COL2A1: variants seen among roughly 807,000 people sequenced by gnomAD.
The protein encoded by COL2A1 is collagen alpha-1(II) chain.
Under a neutral mutation model 204.5 loss-of-function variants are expected in COL2A1, and 28 were observed. The ratio of observed to expected loss-of-function variants is 0.14; its 90% CI spans 0.10 to 0.19. COL2A1 has a LOEUF of 0.19. Among genes scored for constraint, COL2A1 ranks in the 10% least tolerant of loss-of-function variants. COL2A1 has a pLI of 1.00. For missense variants in COL2A1, 1,388 were observed against 2,027.5 expected, an observed-to-expected ratio of 0.68 and a Z score of 6.06; for synonymous variants, 708 against 718.7, an observed-to-expected ratio of 0.99 and a Z score of 0.24.
chr12:47,983,706 C>A lies in COL2A1; in HGVS notation c.1972G>T (p.Ala658Ser). Residue 658 changes from alanine to serine, a missense_variant, in exon 30 of 54, where the codon GCT becomes TCT. Coordinates refer to ENST00000380518, the MANE Select transcript of COL2A1 (RefSeq NM_001844.5). Reference sequence around the variant, plus strand: ...ACCTGGAACCCAGATGGCCCAGGAGCACCCTGCTCGCCTCGTTCACCAGCA... The same window carrying A: ...ACCTGGAACCCAGATGGCCCAGGAGAACCCTGCTCGCCTCGTTCACCAGCA... ...GPAGERGEQG[A>S]PGPSGFQGLP... 2 of 1,599,632 alleles carry A rather than the reference C, an allele frequency of 1.3e-6. No individual in the cohort carries two copies. The highest frequency in any genetic ancestry group is 8.5e-7 in the Non-Finnish European group (1 of 1,173,180).
rs1565695381 is a variant in COL2A1 at position 47,997,886 on chromosome 12, A to G, written c.414T>C (p.Gly138=). The G allele has an allele frequency of 6.2e-7, 1 of 1,614,102 alleles. No homozygotes were observed. The highest frequency in any genetic ancestry group is 2.2e-5 in the East Asian group (1 of 44,886). ...AGEQGPRGDR[G]DKGEKGAPGP... The stretch of plus-strand genomic sequence containing the variant: ...TTTTACTCACTTTTTCACCTTTGTC[A>G]CCACGATCCCCTCTGGGTCCTTGTT... Residue 138 remains glycine (G), a synonymous_variant, in exon 6 of 54, where the codon GGT becomes GGC. Coordinates refer to ENST00000380518, the MANE Select transcript of COL2A1 (RefSeq NM_001844.5).
At position 48,000,112 on chromosome 12, in the gene COL2A1, G is replaced by A; in HGVS notation, c.99C>T (p.Ser33=). Residue 33 remains serine, a synonymous_variant, in exon 2 of 54, where the codon AGC becomes AGT. Transcript: ENST00000380518. The stretch of plus-strand genomic sequence containing the variant: ...TATACCTCTGCCCATCCTGCACACA[G>A]CTGCCAGCCTCCTCTGCACCAAGGG... ...CQGQDVQEAG[S]CVQDGQRYND... 1 of 1,612,896 alleles carries A rather than the reference G, an allele frequency of 6.2e-7. No homozygotes were observed. The highest frequency in any genetic ancestry group is 8.5e-7 in the Non-Finnish European group (1 of 1,179,704).
In COL2A1 at chr12:47,993,551, G is replaced by T. The variant is rs41317905; in HGVS notation, c.925-49C>A. The T allele has an allele frequency of 7.7e-4, 1,177 of 1,531,032 alleles. 9 individuals carry two copies. The African/African-American group carries it at 0.014, about 19-fold the overall frequency. 94.8% of individuals were successfully genotyped at this position (1,531,032 alleles called of 1,614,324 possible). ...AGTGTCTGGGACCCCATTCTTGGCC[G>T]CCAGCAAACTCCTAGGGAAGACGCC... is the stretch of plus-strand genomic sequence containing the variant. On this transcript the variant is annotated intron_variant, in intron 14 of 53. Transcript: ENST00000380518.
rs1160269578 is a variant in COL2A1 at position 47,980,013 on chromosome 12, G to A, written c.2675C>T (p.Pro892Leu). Reference protein sequence around the residue: ...GPKGARGAQGPPGATGFPGAA... With the variant: ...GPKGARGAQGLPGATGFPGAA... ...GGTGTCAGAGGCCTCACTCACCGGG[G>A]GGCCTTGGGCACCTCGGGCTCCTTT... The change falls in exon 40 of 54, where the codon CCC becomes CTC. Residue 892 changes from proline to leucine, a missense_variant. Around this residue, in one of 3 missense-constraint regions of COL2A1, gnomAD observed 884 missense variants for 1,415.8 expected, o/e 0.62. Transcript: ENST00000380518. This position sits in a 1 kb window ranked among gnomAD's most constrained non-coding sequence, Gnocchi z 4.5. The A allele has an allele frequency of 1.3e-6, 2 of 1,554,696 alleles. No individual in the cohort carries two copies. Among genetic ancestry groups the A allele is most frequent in the Non-Finnish European group, 8.7e-7 (1 of 1,149,030 alleles).
intron 2 of COL2A1, chr12:47,998,638 G>C (rs1940080173): frequency 1.6e-6 from 1 of 606,236 alleles, no homozygotes; most frequent in Middle Eastern, 2.6e-4. Flanking sequence ...ATGAGGAATG[G>C]AGGTGACCCA....
At position 47,995,047 on chromosome 12, in the gene COL2A1, C is replaced by T. The variant is rs2248990; in HGVS notation, c.762+208G>A. 0.55 allele frequency among the ~76,000 whole-genome samples: 83,117 copies of T among 152,024 alleles called. 24,107 individuals carry two copies. Among genetic ancestry groups the T allele is most frequent in the Non-Finnish European group, 0.67 (45,407 of 67,966 alleles). On this transcript the variant is annotated intron_variant, in intron 11 of 53. Transcript: ENST00000380518. Reference sequence around the variant, plus strand: ...TGATGTTTTAATTATTTGTCTTCCCCTTGGATCCAAAGCGGTCCCCAGGGA... The same window carrying T: ...TGATGTTTTAATTATTTGTCTTCCCTTTGGATCCAAAGCGGTCCCCAGGGA...
chr12:47,980,012 G>A lies in COL2A1; in HGVS notation c.2676C>T (p.Pro892=), dbSNP rs1452538881. ...GPKGARGAQG[P]PGATGFPGAA... The stretch of plus-strand genomic sequence containing the variant: ...GGGTGTCAGAGGCCTCACTCACCGG[G>A]GGGCCTTGGGCACCTCGGGCTCCTT... Residue 892 remains proline (P), a synonymous_variant, in exon 40 of 54, where the codon CCC becomes CCT. Coordinates refer to ENST00000380518, the MANE Select transcript of COL2A1 (RefSeq NM_001844.5). The surrounding 1 kb of genome is among the most constrained non-coding windows in gnomAD (Gnocchi z 4.5). 6.4e-7 allele frequency: 1 copy of A among 1,554,826 alleles called. No individual in the cohort carries two copies. The highest frequency in any genetic ancestry group is 1.4e-5 in the African/African-American group (1 of 73,310).
rs771210625 is a variant in COL2A1, at chr12:47,993,488, G to T, written c.939C>A (p.Ser313=). The change falls in exon 15 of 54, where the codon TCC becomes TCA. Residue 313 remains serine, a synonymous_variant. Coordinates refer to ENST00000380518, the MANE Select transcript of COL2A1 (RefSeq NM_001844.5). ...GGCCCGGAGATCCGTTCTCACCCGG[G>T]GAACCACTCTCACCCTGGAAAAATG... is the stretch of plus-strand genomic sequence containing the variant. ...GAPGVKGESG[S]PGENGSPGPM... The T allele has an allele frequency of 1.2e-6, 2 of 1,613,918 alleles. No individual in the cohort carries two copies. The highest frequency in any genetic ancestry group is 4.5e-5 in the East Asian group (2 of 44,884).
chr12:47,986,417 A>T lies in COL2A1; in HGVS notation c.1446T>A (p.Pro482=). ...EPGPAGPQGA[P]GPAGEEGKRG... The stretch of plus-strand genomic sequence containing the variant: ...TCTTGCCTTCTTCACCAGCGGGTCC[A>T]GGGGCTCCCTGGGGGCCAGCAGGGC... The change falls in exon 23 of 54, where the codon CCT becomes CCA. Residue 482 remains proline, a synonymous_variant. Transcript: ENST00000380518. 6.4e-7 allele frequency: 1 copy of T among 1,560,474 alleles called. No individual in the cohort carries two copies. The highest frequency in any genetic ancestry group is 8.7e-7 in the Non-Finnish European group (1 of 1,152,544).
At chr12:48,005,492 A>C (rs978573971), upstream of COL2A1, 4 of 152,220 alleles carry the variant, frequency 2.6e-5, no homozygotes, top group Non-Finnish European at 4.4e-5. Flanking sequence ...AGGCCGATCC[A>C]GCTGGCGAGT....
At chr12:47,985,233 AC>A in intron 26 of COL2A1, 140 bp from the exon 27 acceptor site, 1 of 751,266 alleles carries the variant, frequency 1.3e-6, no homozygotes, top group African/African-American at 1.7e-5. Flanking sequence ...ACCACATCAC[AC>A]CCATGGGCCC....
intron 31 of COL2A1, 95 bp downstream of exon 31, chr12:47,983,290 C>A: frequency 6.7e-7 from 1 of 1,494,756 alleles, no homozygotes; most frequent in Non-Finnish European, 9.3e-7. Flanking sequence ...CCAGGCCTCA[C>A]AGGGCTCCTC....
rs147569641 is a variant in COL2A1 at position 47,975,467 on chromosome 12, C to T, written c.3736G>A (p.Gly1246Ser). 3.5e-4 allele frequency: 558 copies of T among 1,613,962 alleles called. 3 individuals carry two copies. The highest frequency in any genetic ancestry group is 3.3e-3 in the Middle Eastern group (20 of 6,062). The change falls in exon 51 of 54, where the codon GGT (glycine) becomes AGT (serine). Residue 1246 changes from glycine to serine, a missense_variant. Transcript: ENST00000380518. ...TCGGCGTCATGCTGTCTCAGGCCACCGGCTGCCTGGTCGGCCCGCATGTAC... is the reference window on the plus strand; with the variant it reads ...TCGGCGTCATGCTGTCTCAGGCCACTGGCTGCCTGGTCGGCCCGCATGTAC... ...LQYMRADQAA[G>S]GLRQHDAEVD...
At chr12:47,984,162 A>C (rs764361994) in intron 28 of COL2A1, 22 bp from the exon 29 acceptor site, 10 of 1,611,524 alleles carry the variant, frequency 6.2e-6, no homozygotes, top group Non-Finnish European at 8.5e-6. Flanking sequence ...AGAAAAAGAA[A>C]AGTCAATGAC....
intron 28 of COL2A1, 150 bp from the exon 29 acceptor site, chr12:47,984,290 C>G (rs1939263108): frequency 6.2e-6 from 5 of 807,882 alleles, no homozygotes; most frequent in Non-Finnish European, 2.1e-6. Context: ...CCCCTCCCTT[C>G]CTTCCCAGGC....
chr12:47,985,168 T>A, intron 26 of COL2A1, 75 bp from the exon 27 acceptor site: 1 of 1,223,476 alleles, frequency 8.2e-7, no homozygotes, highest in Non-Finnish European at 1.2e-6. Flanking sequence ...ACTAAGGGCC[T>A]ACATGGCAGG....
chr12:47,992,785 C>T lies in COL2A1; in HGVS notation c.1023+93G>A, dbSNP rs577169763. On this transcript the variant is annotated intron_variant, in intron 16 of 53. Coordinates refer to ENST00000380518, the MANE Select transcript of COL2A1 (RefSeq NM_001844.5). The stretch of plus-strand genomic sequence containing the variant: ...TTAAGGGATAACAATACTCCCTATG[C>T]CTCACAGGGTTGTTTCGAGGGTCAA... 2.9e-3 allele frequency: 3,744 copies of T among 1,284,392 alleles called. 8 individuals carry two copies. The highest frequency in any genetic ancestry group is 4.7e-3 in the East Asian group (200 of 42,748). The allele number at this position is 1,284,392 out of a possible 1,614,324, so 79.6% of individuals were successfully genotyped here.
rs139082054 is a variant in COL2A1, at chr12:47,995,839, G to A, written c.654+36C>T. The A allele has an allele frequency of 2.3e-4, 371 of 1,608,724 alleles. 3 individuals are homozygous for A. In the South Asian group the frequency reaches 3.6e-3, roughly 16 times the overall value. On this transcript the variant is annotated intron_variant, in intron 9 of 53. Coordinates refer to ENST00000380518, the MANE Select transcript of COL2A1 (RefSeq NM_001844.5). ...ATCATAGTGCTTGGGAATCATCTGC[G>A]ACACGATGGAGGCAAAAAGAATTGC...
Position 47,973,028 on chromosome 12 carries a change from T to C in COL2A1, c.*379A>G, listed in dbSNP as rs1416323779. On this transcript the variant is annotated 3_prime_UTR_variant, in exon 54 of 54. Coordinates refer to ENST00000380518, the MANE Select transcript of COL2A1 (RefSeq NM_001844.5). ...GATGTTTTAAAAAATACAGAGGTGT[T>C]TGACACAGAATAGCACCATTGTGTA... The C allele has an allele frequency of 7.7e-6, 4 of 521,344 alleles. No individual in the cohort carries two copies. The highest frequency in any genetic ancestry group is 3.8e-5 in the African/African-American group (2 of 53,230). 32.3% of individuals were successfully genotyped at this position (521,344 alleles called of 1,614,324 possible).
Sources: gnomAD v4.1 joint callset for allele counts (sites outside exome capture counted in the v4.1 genomes callset) on GRCh38, gnomAD v4.1.1 for gene constraint, gnomAD v4.1.1 regional missense constraint, Gnocchi (gnomAD v3.1) non-coding constraint, MANE v1.5 for transcripts, NCBI Gene and HGNC (gene_info 2026-07-23, HGNC 2026-07-21) for gene names.